SPIDR: variants seen among roughly 807,000 people sequenced by gnomAD.
SPIDR encodes scaffold protein involved in DNA repair.
A neutral mutation model predicts 104.6 loss-of-function variants in SPIDR; 93 were observed. The observed-to-expected ratio is 0.89, with a 90% CI of 0.75 to 1.06. The LOEUF (loss-of-function observed/expected upper bound fraction) is 1.06, where lower values mean the gene tolerates loss of function less well. SPIDR is among the 50% of genes least tolerant of loss of function. The pLI, the probability that SPIDR is intolerant of heterozygous loss-of-function variation, is 0.00. For synonymous variants in SPIDR, 431 were observed against 416.9 expected (o/e 1.03, Z -0.41); for missense variants, 1,154 against 1,111.2 (o/e 1.04, Z -0.55).
At chr8:47,679,821 T>A (rs1048570018) in intron 11 of SPIDR, among the ~76,000 whole-genome samples, 5 of 152,260 alleles carry the variant, frequency 3.3e-5, no homozygotes, top group African/African-American at 1.2e-4. Flanking sequence ...GTAGGCTCCC[T>A]CAGGGCAGGT....
intron 5 of SPIDR, among the ~76,000 whole-genome samples, chr8:47,320,729 C>T (rs2046386542): frequency 6.6e-6 from 1 of 152,184 alleles, no homozygotes; most frequent in Non-Finnish European, 1.5e-5. Flanking sequence ...TCCAGCATCA[C>T]ATGGAAAAGC....
chr8:47,368,568 A>G (rs1554636444), intron 5 of SPIDR, among the ~76,000 whole-genome samples: 2 of 152,092 alleles, frequency 1.3e-5, no homozygotes, highest in African/African-American at 4.8e-5. Context: ...ATGTATGGGC[A>G]TGTTTTTCAT....
Position 47,279,988 on chromosome 8 carries a change from G to T in SPIDR, c.160G>T (p.Glu54Ter), listed in dbSNP as rs2037389668. The change falls in exon 2 of 20, where the codon GAA becomes TAA. Residue 54 changes from glutamate to a stop codon, truncating the protein, a stop_gained. Coordinates refer to ENST00000297423, the MANE Select transcript of SPIDR (RefSeq NM_001080394.4). LOFTEE classifies it high-confidence loss of function. Reference protein sequence around the residue: ...SLSEAWLRCGEGFQNTSGNPS... With the variant: ...SLSEAWLRCG Reference sequence around the variant, plus strand: ...CTCTGAAGCATGGCTCAGGTGTGGAGAAGGGTTTCAGAACACTTCTGGGAA... The same window carrying T: ...CTCTGAAGCATGGCTCAGGTGTGGATAAGGGTTTCAGAACACTTCTGGGAA... 12 of 1,614,002 alleles carry T rather than the reference G, an allele frequency of 7.4e-6. No individual in the cohort carries two copies. Among genetic ancestry groups the T allele is most frequent in the South Asian group, 6.6e-5 (6 of 91,068 alleles).
At chr8:47,584,511 C>G (rs975484472) in intron 8 of SPIDR, among the ~76,000 whole-genome samples, 1 of 152,122 alleles carries the variant, frequency 6.6e-6, no homozygotes, top group African/African-American at 2.4e-5. Context: ...ACTAAATTTC[C>G]TTATGAATAA....
chr8:47,563,200 C>T (rs2057303367), intron 8 of SPIDR, among the ~76,000 whole-genome samples: 1 of 152,070 alleles, frequency 6.6e-6, no homozygotes, highest in African/African-American at 2.4e-5. Flanking sequence ...AACATGGTCA[C>T]ACCCTGTCGC....
At chr8:47,624,136 A>G (rs1408597073) in intron 10 of SPIDR, among the ~76,000 whole-genome samples, 1 of 152,028 alleles carries the variant, frequency 6.6e-6, no homozygotes, top group East Asian at 1.9e-4. Flanking sequence ...CTGAATGACT[A>G]CTGGGTACAT....
At chr8:47,420,466 T>TG (rs2065226947) in intron 7 of SPIDR, among the ~76,000 whole-genome samples, 1 of 152,108 alleles carries the variant, frequency 6.6e-6, no homozygotes, top group Non-Finnish European at 1.5e-5. Flanking sequence ...TCCATTTGCT[T>TG]TTAGATCTTC....
intron 5 of SPIDR, among the ~76,000 whole-genome samples, chr8:47,320,030 T>TA (rs2046236174): frequency 6.6e-6 from 1 of 151,680 alleles, no homozygotes; most frequent in African/African-American, 2.4e-5. Flanking sequence ...ACATCACAAT[T>TA]AAAAGAACTA....
At chr8:47,437,099 C>CT (rs1265863758) in intron 7 of SPIDR, among the ~76,000 whole-genome samples, 13 of 149,468 alleles carry the variant, frequency 8.7e-5, no homozygotes, top group South Asian at 4.3e-4. Flanking sequence ...TCATAGAAAT[C>CT]TTTTTTTTTT....
chr8:47,348,312 T>G (rs977954795), intron 5 of SPIDR, among the ~76,000 whole-genome samples: 5 of 152,216 alleles, frequency 3.3e-5, no homozygotes, highest in East Asian at 3.9e-4. Context: ...TCTGCCGAGA[T>G]ATCCTCTGTT....
chr8:47,670,273 A>G (rs554527615), intron 10 of SPIDR, among the ~76,000 whole-genome samples: 2 of 152,268 alleles, frequency 1.3e-5, no homozygotes, highest in Non-Finnish European at 2.9e-5. Flanking sequence ...ACTAGGAGGT[A>G]AGGAGGCCTT....
At chr8:47,713,203 A>G in intron 15 of SPIDR, 1 of 622,420 alleles carries the variant, frequency 1.6e-6, no homozygotes, top group Non-Finnish European at 2.6e-6. Context: ...CCAGGGATCA[A>G]ACTAAAATCC....
chr8:47,280,270 G>C (rs965578538), intron 2 of SPIDR, among the ~76,000 whole-genome samples: 3 of 150,288 alleles, frequency 2.0e-5, no homozygotes, highest in Non-Finnish European at 4.4e-5. Flanking sequence ...TGGAGACAGA[G>C]TCTCACTTTG....
chr8:47,414,656 C>G (rs1327459286), intron 7 of SPIDR, among the ~76,000 whole-genome samples: 5 of 152,054 alleles, frequency 3.3e-5, no homozygotes, highest in Non-Finnish European at 7.4e-5. Flanking sequence ...TGTCAGTATC[C>G]CACTCCCTTA....
chr8:47,338,672 G>A (rs1554611485), intron 5 of SPIDR, among the ~76,000 whole-genome samples: 1 of 152,102 alleles, frequency 6.6e-6, no homozygotes. Flanking sequence ...ATACTTAAGA[G>A]TATCTATTTT....
At chr8:47,382,445 G>A (rs782106154) in intron 5 of SPIDR, among the ~76,000 whole-genome samples, 3 of 151,914 alleles carry the variant, frequency 2.0e-5, no homozygotes, top group African/African-American at 4.8e-5. Context: ...ATGGAATCTC[G>A]CTCTGTTGCC....
intron 5 of SPIDR, among the ~76,000 whole-genome samples, chr8:47,344,912 A>G (rs533438859): frequency 5.9e-5 from 9 of 152,258 alleles, no homozygotes; most frequent in Admixed American, 1.3e-4. Context: ...CTCCCATTCT[A>G]TAGGTTGCCT....
At chr8:47,292,754 A>G (rs1314846256) in intron 4 of SPIDR, among the ~76,000 whole-genome samples, 1 of 152,122 alleles carries the variant, frequency 6.6e-6, no homozygotes, top group Non-Finnish European at 1.5e-5. Flanking sequence ...TCACATTGCA[A>G]TATGTATTAA....
chr8:47,689,417 A>G (rs1283115126), intron 11 of SPIDR, among the ~76,000 whole-genome samples: 1 of 152,196 alleles, frequency 6.6e-6, no homozygotes, highest in African/African-American at 2.4e-5. Context: ...ATCGCAGGCC[A>G]ATTAGGTCCG....
Sources: allele counts gnomAD v4.1 joint callset (sites outside exome capture counted in the v4.1 genomes callset), GRCh38; gene constraint gnomAD v4.1.1; transcripts MANE v1.5; gene names NCBI Gene and HGNC (gene_info 2026-07-23, HGNC 2026-07-21).